The following ELMO1 variants were observed in gnomAD, a reference collection of about 807,000 sequenced individuals.
ELMO1 encodes engulfment and cell motility 1.
ELMO1 carries 26 observed loss-of-function variants against 98.9 expected under a neutral mutation model. That is an observed-to-expected ratio of 0.26 (90% CI 0.19 to 0.36). ELMO1 has a LOEUF of 0.36. Among genes scored for constraint, ELMO1 ranks in the 10% least tolerant of loss-of-function variants. ELMO1 has a pLI of 1.00. For synonymous variants in ELMO1, 346 were observed against 346.0 expected, an observed-to-expected ratio of 1.00 and a Z score of 0.00; for missense variants, 627 against 935.2, an observed-to-expected ratio of 0.67 and a Z score of 4.30.
At chr7:36,997,220 A>G (rs1213625134) in intron 16 of ELMO1, among the ~76,000 whole-genome samples, 1 of 152,194 alleles carries the variant, frequency 6.6e-6, no homozygotes, top group African/African-American at 2.4e-5. Flanking sequence ...TCTTGAGAGG[A>G]ATGATTTCTT....
intron 2 of ELMO1, among the ~76,000 whole-genome samples, chr7:37,321,945 C>A (rs1486220461): frequency 2.0e-5 from 3 of 150,674 alleles, no homozygotes; most frequent in African/African-American, 7.3e-5. Flanking sequence ...GCAACCTCCC[C>A]ACCTCCCGAG....
intron 1 of ELMO1, among the ~76,000 whole-genome samples, chr7:37,433,433 G>A (rs2131569596): frequency 6.6e-6 from 1 of 152,304 alleles, no homozygotes; most frequent in South Asian, 2.1e-4. Context: ...AAGGTTCTCA[G>A]AGGAGGTGAC....
At chr7:37,164,733 T>C (rs1584747313) in intron 13 of ELMO1, among the ~76,000 whole-genome samples, 1 of 150,124 alleles carries the variant, frequency 6.7e-6, no homozygotes, top group East Asian at 2.0e-4. Context: ...CTGTTTTGGT[T>C]ACTGTAGCCT....
intron 15 of ELMO1, among the ~76,000 whole-genome samples, chr7:37,093,187 T>C (rs552150376): frequency 4.6e-5 from 7 of 152,292 alleles, no homozygotes; most frequent in Admixed American, 4.6e-4. Flanking sequence ...GTTTTTTTTT[T>C]TAAAGCAACC....
At chr7:36,883,505 G>T (rs1804660376) in intron 18 of ELMO1, among the ~76,000 whole-genome samples, 1 of 152,160 alleles carries the variant, frequency 6.6e-6, no homozygotes, top group Non-Finnish European at 1.5e-5. Flanking sequence ...GGGGTGGAAT[G>T]CTCATGAATG....
chr7:37,192,968 G>GAT (rs1791712338), intron 13 of ELMO1, among the ~76,000 whole-genome samples: 1 of 94,224 alleles, frequency 1.1e-5, no homozygotes, highest in African/African-American at 4.3e-5. Context: ...ATATATATAG[G>GAT]AGATATATAT....
intron 1 of ELMO1, among the ~76,000 whole-genome samples, chr7:37,368,009 C>G (rs899656549): frequency 1.3e-5 from 2 of 152,144 alleles, no homozygotes; most frequent in Middle Eastern, 3.2e-3. Flanking sequence ...GGAACGTAGG[C>G]AAATTAGGAA....
At chr7:37,433,974 C>T (rs778261425) in intron 1 of ELMO1, among the ~76,000 whole-genome samples, 10 of 152,022 alleles carry the variant, frequency 6.6e-5, no homozygotes, top group Non-Finnish European at 1.3e-4. Context: ...TTTTATTAAA[C>T]GGTGACAAAG....
At chr7:37,212,338 A>T (rs939906536) in intron 12 of ELMO1, among the ~76,000 whole-genome samples, 2 of 152,190 alleles carry the variant, frequency 1.3e-5, no homozygotes, top group African/African-American at 4.8e-5. Context: ...GAATGTACTT[A>T]ATGCCACTAG....
At chr7:36,875,076 G>A (rs1334376477) in intron 19 of ELMO1, among the ~76,000 whole-genome samples, 1 of 152,190 alleles carries the variant, frequency 6.6e-6, no homozygotes, top group African/African-American at 2.4e-5. Flanking sequence ...AGAGGGCAAT[G>A]TTATGTGGCA....
At chr7:37,202,717 C>CT (rs1340179701) in intron 13 of ELMO1, among the ~76,000 whole-genome samples, 2 of 152,168 alleles carry the variant, frequency 1.3e-5, no homozygotes, top group African/African-American at 4.8e-5. Context: ...TTCCTTCTTA[C>CT]TGTAATTTAT....
At chr7:37,253,033 T>C (rs969339981) in intron 6 of ELMO1, among the ~76,000 whole-genome samples, 3 of 152,110 alleles carry the variant, frequency 2.0e-5, no homozygotes, top group African/African-American at 4.8e-5. Context: ...TGAGATACCA[T>C]CTCATGCCAG....
chr7:36,995,564 T>G (rs537552994), intron 16 of ELMO1, among the ~76,000 whole-genome samples: 1 of 152,094 alleles, frequency 6.6e-6, no homozygotes, highest in Non-Finnish European at 1.5e-5. Flanking sequence ...AGTTGAGATA[T>G]AATTTTGCAG....
intron 15 of ELMO1, among the ~76,000 whole-genome samples, chr7:37,064,186 T>A (rs1584587432): frequency 6.6e-6 from 1 of 152,260 alleles, no homozygotes; most frequent in Non-Finnish European, 1.5e-5. Context: ...CTCGTGTTCC[T>A]CTAGACATCC....
intron 13 of ELMO1, among the ~76,000 whole-genome samples, chr7:37,147,251 A>G (rs1260307969): frequency 6.6e-6 from 1 of 152,182 alleles, no homozygotes; most frequent in African/African-American, 2.4e-5. Flanking sequence ...GGAAGATGCT[A>G]GGGATCTAGG....
At chr7:36,903,801 A>G in intron 16 of ELMO1, among the ~76,000 whole-genome samples, 1 of 152,218 alleles carries the variant, frequency 6.6e-6, no homozygotes, top group East Asian at 1.9e-4. Flanking sequence ...GATGCCAACC[A>G]AAGAGCTGAG....
intron 15 of ELMO1, among the ~76,000 whole-genome samples, chr7:37,039,267 T>G (rs893212209): frequency 6.6e-6 from 1 of 152,188 alleles, no homozygotes; most frequent in African/African-American, 2.4e-5. Flanking sequence ...TGAGGTCAAC[T>G]GGTTTTCTCT....
intron 11 of ELMO1, among the ~76,000 whole-genome samples, chr7:37,216,055 G>C (rs1793264936): frequency 6.7e-6 from 1 of 148,954 alleles, no homozygotes; most frequent in Admixed American, 6.7e-5. Flanking sequence ...CAAGTAGCTG[G>C]TAAGTCAAAT....
intron 15 of ELMO1, among the ~76,000 whole-genome samples, chr7:37,041,972 G>A (rs1207697413): frequency 1.2e-4 from 18 of 151,882 alleles, no homozygotes; most frequent in Admixed American, 1.2e-3. Flanking sequence ...GTGTATTCTT[G>A]ACAGCCCTAT....
Sources: gnomAD v4.1 joint callset for allele counts (sites outside exome capture counted in the v4.1 genomes callset) on GRCh38, gnomAD v4.1.1 for gene constraint, MANE v1.5 for transcripts, NCBI Gene and HGNC (gene_info 2026-07-23, HGNC 2026-07-21) for gene names.